Variants in CRCP observed in about 807,000 individuals in gnomAD.
CRCP encodes CGRP receptor component.
A neutral mutation model predicts 18.5 loss-of-function variants in CRCP; 18 were observed. That is an observed-to-expected ratio of 0.97 (90% CI 0.67 to 1.44). CRCP has a LOEUF of 1.44. Among genes scored for constraint, CRCP ranks in the 40% most tolerant of loss-of-function variants. CRCP has a pLI of 0.00. For missense variants in CRCP, 130 were observed against 176.4 expected (o/e 0.74, Z 1.49); for synonymous variants, 53 against 62.9 (o/e 0.84, Z 0.75).
At chr7:66,139,935 G>C (rs1179938482) in intron 4 of CRCP, among the ~76,000 whole-genome samples, 2 of 152,220 alleles carry the variant, frequency 1.3e-5, no homozygotes, top group Admixed American at 1.3e-4. Flanking sequence ...TTTGGGTCCT[G>C]TAGCCACAAG....
chr7:66,117,506 C>T (rs1477540639), intron 1 of CRCP, among the ~76,000 whole-genome samples: 1 of 152,178 alleles, frequency 6.6e-6, no homozygotes, highest in Non-Finnish European at 1.5e-5. Flanking sequence ...TCCCTAAATC[C>T]AGTCCATCAG....
At chr7:66,139,623 C>T (rs1788074639) in intron 4 of CRCP, among the ~76,000 whole-genome samples, 1 of 152,214 alleles carries the variant, frequency 6.6e-6, no homozygotes, top group Admixed American at 6.5e-5. Flanking sequence ...CAATTAGGTT[C>T]AGACTTCAAG....
At chr7:66,145,322 T>G (rs1788261942) in intron 4 of CRCP, 121 bp from the exon 5 acceptor site, 6 of 944,524 alleles carry the variant, frequency 6.4e-6, no homozygotes, top group Admixed American at 1.8e-5. Flanking sequence ...TTGAAGGAAC[T>G]GAGGGCCACA....
intron 4 of CRCP, among the ~76,000 whole-genome samples, chr7:66,144,078 C>T (rs1165049597): frequency 6.6e-6 from 1 of 152,162 alleles, no homozygotes; most frequent in Non-Finnish European, 1.5e-5. Flanking sequence ...GATGGATATG[C>T]AGCCCCAGGG....
chr7:66,135,521 C>CT (rs999927564), intron 4 of CRCP, among the ~76,000 whole-genome samples: 15 of 151,876 alleles, frequency 9.9e-5, no homozygotes, highest in African/African-American at 3.1e-4. Context: ...ATTTATTTAT[C>CT]TTTTTTTTCA....
chr7:66,115,002 C>A, intron 1 of CRCP, 32 bp downstream of exon 1: 1 of 1,604,090 alleles, frequency 6.2e-7, no homozygotes, highest in Non-Finnish European at 8.5e-7. Context: ...CCTTTTCGCC[C>A]GAGGAGCCCA....
At position 66,152,541 on chromosome 7, in the gene CRCP, G is replaced by T; in HGVS notation, c.*184G>T. The T allele has an allele frequency of 1.6e-6, 1 of 640,906 alleles. No homozygotes were observed. The highest frequency in any genetic ancestry group is 2.0e-5 in the South Asian group (1 of 51,200). The allele number at this position is 640,906 out of a possible 1,614,324, so 39.7% of individuals were successfully genotyped here. On this transcript the variant is annotated 3_prime_UTR_variant, in exon 6 of 6. Coordinates refer to ENST00000395326, the MANE Select transcript of CRCP (RefSeq NM_014478.5). ...TTGTGCCTTGGGGAGAAGAAACATG[G>T]TGAAAACAGGCTGAGGTTGTCAGGG...
Position 66,152,438 on chromosome 7 carries a change from T to G in CRCP, c.*81T>G. 2 of 1,508,604 alleles carry G rather than the reference T, an allele frequency of 1.3e-6. No homozygotes were observed. Among genetic ancestry groups the G allele is most frequent in the South Asian group, 2.4e-5 (2 of 84,308 alleles). 93.5% of individuals were successfully genotyped at this position (1,508,604 alleles called of 1,614,324 possible). ...CTGGACGTTGAGAGGATTGTTTATTTGATTTTTATCCTCATCCCAGCAGGC... is the reference window on the plus strand; with the variant it reads ...CTGGACGTTGAGAGGATTGTTTATTGGATTTTTATCCTCATCCCAGCAGGC... On this transcript the variant is annotated 3_prime_UTR_variant, in exon 6 of 6. Transcript: ENST00000395326.
chr7:66,133,101 A>G (rs1299122532), intron 3 of CRCP, among the ~76,000 whole-genome samples: 1 of 152,082 alleles, frequency 6.6e-6, no homozygotes, highest in Non-Finnish European at 1.5e-5. Context: ...GGCTAGGAAA[A>G]CAGCCTACCC....
chr7:66,146,462 G>A (rs533081284), intron 5 of CRCP, among the ~76,000 whole-genome samples: 1 of 151,836 alleles, frequency 6.6e-6, no homozygotes, highest in South Asian at 2.1e-4. Flanking sequence ...AAAAAAAGAA[G>A]AAGAAACTTT....
At chr7:66,141,761 C>T (rs565123195) in intron 4 of CRCP, among the ~76,000 whole-genome samples, 3 of 152,140 alleles carry the variant, frequency 2.0e-5, no homozygotes, top group Non-Finnish European at 2.9e-5. Flanking sequence ...TTTTGGTGAT[C>T]ACTTGGGCAA....
intron 4 of CRCP, among the ~76,000 whole-genome samples, chr7:66,136,772 C>A (rs1410317573): frequency 6.6e-6 from 1 of 151,936 alleles, no homozygotes; most frequent in African/African-American, 2.4e-5. Flanking sequence ...GAATTGACAT[C>A]TTGACAATAT....
Position 66,152,268 on chromosome 7 carries a change from G to T in CRCP, c.358G>T (p.Val120Phe). The T allele has an allele frequency of 6.2e-7, 1 of 1,614,086 alleles. No homozygotes were observed. The highest frequency in any genetic ancestry group is 2.2e-5 in the East Asian group (1 of 44,870). The change falls in exon 6 of 6, where the codon GTC (valine) becomes TTC (phenylalanine). Residue 120 changes from valine (V) to phenylalanine (F), a missense_variant. Transcript: ENST00000395326. ...EEQIEALLHTVTSILPAEPEA... is the reference protein window; with the variant it reads ...EEQIEALLHTFTSILPAEPEA... ...GCAGATTGAAGCTCTTCTCCACACC[G>T]TCACCAGCATTCTGCCTGCAGAGCC...
rs375135715 is a variant in CRCP, at chr7:66,125,347, G to A, written c.9-2357G>A. Among the ~76,000 whole-genome samples, 99 of 149,332 alleles carry A rather than the reference G, an allele frequency of 6.6e-4. 3 individuals carry two copies. Among genetic ancestry groups the A allele is most frequent in the African/African-American group, 2.2e-3 (92 of 41,346 alleles). On this transcript the variant is annotated intron_variant, in intron 1 of 5. Coordinates refer to ENST00000395326, the MANE Select transcript of CRCP (RefSeq NM_014478.5). ...AAAAATTCCCCAATACATACAGCTC[G>A]TTTAGGACTTCATAAAAGGTAGATA...
chr7:66,152,019 G>T (rs1260296561), intron 5 of CRCP, among the ~76,000 whole-genome samples, 189 bp from the exon 6 acceptor site: 1 of 151,964 alleles, frequency 6.6e-6, no homozygotes, highest in African/African-American at 2.4e-5. Context: ...TTGATCAGTC[G>T]CATTGGCTCA....
chr7:66,144,274 G>C (rs182199855), intron 4 of CRCP, among the ~76,000 whole-genome samples: 27 of 152,276 alleles, frequency 1.8e-4, no homozygotes, highest in East Asian at 3.9e-4. Flanking sequence ...ATCTTTTGTT[G>C]TGAAAATTTA....
At chr7:66,142,115 G>T (rs1276474291) in intron 4 of CRCP, among the ~76,000 whole-genome samples, 1 of 152,108 alleles carries the variant, frequency 6.6e-6, no homozygotes, top group Admixed American at 6.6e-5. Flanking sequence ...TCTCAGACGG[G>T]AACTGAGAAA....
At chr7:66,147,258 G>C (rs1180688141) in intron 5 of CRCP, among the ~76,000 whole-genome samples, 1 of 151,296 alleles carries the variant, frequency 6.6e-6, no homozygotes, top group Non-Finnish European at 1.5e-5. Flanking sequence ...AGAATCACTT[G>C]AACCCGGGAG....
rs1491554419 is a variant in CRCP at position 66,125,636 on chromosome 7, GGT to G, written c.9-2065_9-2064del. On this transcript the variant is annotated intron_variant, in intron 1 of 5. Transcript: ENST00000395326. Reference sequence around the variant, plus strand: ...TATATTCGTTCTAGAAGAGGCAGAGGGTGTTCTTTGGATTCTTGCATTACACT... The same window carrying G: ...TATATTCGTTCTAGAAGAGGCAGAGGGTTCTTTGGATTCTTGCATTACACT... Among the ~76,000 whole-genome samples, 23 of 149,046 alleles carry G rather than the reference GGT, an allele frequency of 1.5e-4. 3 individuals carry two copies. In the East Asian group the frequency reaches 4.0e-3, roughly 26 times the overall value.
Sources: allele counts gnomAD v4.1 joint callset (sites outside exome capture counted in the v4.1 genomes callset), GRCh38; gene constraint gnomAD v4.1.1; transcripts MANE v1.5; gene names NCBI Gene and HGNC (gene_info 2026-07-23, HGNC 2026-07-21).